FMN1: variants seen among roughly 807,000 people sequenced by gnomAD.
FMN1 encodes the protein formin-1.
Under a neutral mutation model 132.4 loss-of-function variants are expected in FMN1, and 110 were observed. The ratio of observed to expected loss-of-function variants is 0.83; its 90% CI spans 0.71 to 0.97. The LOEUF is 0.97. Ranked by LOEUF, FMN1 falls within the 50% of genes least tolerant of loss-of-function variation. The pLI is 0.00. For synonymous variants in FMN1, 722 were observed against 651.7 expected (o/e 1.11, Z -1.64); for missense variants, 1,792 against 1,705.3 (o/e 1.05, Z -0.90).
chr15:32,873,868 T>C (rs2059575139), intron 16 of FMN1, among the ~76,000 whole-genome samples: 1 of 152,146 alleles, frequency 6.6e-6, no homozygotes, highest in African/African-American at 2.4e-5. Context: ...GGAATTTGTC[T>C]CTGTCTTTGG....
intron 17 of FMN1, among the ~76,000 whole-genome samples, chr15:32,805,562 A>G (rs531724059): frequency 3.4e-4 from 52 of 152,296 alleles, no homozygotes; most frequent in African/African-American, 1.2e-3. Context: ...TGTTTTAGTC[A>G]TGAAGTCTTG....
At chr15:32,843,720 A>T (rs1161427880) in intron 17 of FMN1, among the ~76,000 whole-genome samples, 1 of 152,216 alleles carries the variant, frequency 6.6e-6, no homozygotes, top group Admixed American at 6.5e-5. Context: ...TTGAATGTCA[A>T]CAAGTTGGTG....
At chr15:32,917,200 A>G (rs1003346172) in intron 10 of FMN1, among the ~76,000 whole-genome samples, 3 of 152,228 alleles carry the variant, frequency 2.0e-5, no homozygotes, top group Non-Finnish European at 4.4e-5. Flanking sequence ...ACTCGGAGGC[A>G]AGGCCAGGGG....
At chr15:33,053,271 A>G (rs988392260) in intron 6 of FMN1, among the ~76,000 whole-genome samples, 3 of 152,192 alleles carry the variant, frequency 2.0e-5, no homozygotes, top group African/African-American at 7.2e-5. Context: ...TTAGCACACT[A>G]ACATTCCCTC....
At chr15:33,150,535 C>T (rs1452053274) in intron 4 of FMN1, 5 of 985,284 alleles carry the variant, frequency 5.1e-6, no homozygotes, top group African/African-American at 1.7e-5. Flanking sequence ...GAAGGTGCAT[C>T]GCTGGCCTCT....
intron 4 of FMN1, among the ~76,000 whole-genome samples, chr15:33,128,325 G>A (rs991455931): frequency 1.3e-5 from 2 of 152,154 alleles, no homozygotes; most frequent in African/African-American, 4.8e-5. Flanking sequence ...ACCATCAACG[G>A]GGTCTGATTC....
At chr15:32,908,807 C>T (rs188703235) in intron 11 of FMN1, among the ~76,000 whole-genome samples, 4 of 152,228 alleles carry the variant, frequency 2.6e-5, no homozygotes, top group Admixed American at 2.0e-4. Flanking sequence ...GATTCTGATG[C>T]ATGCTCAAGT....
chr15:32,777,594 C>G (rs1204497967), intron 19 of FMN1, among the ~76,000 whole-genome samples: 1 of 90,578 alleles, frequency 1.1e-5, no homozygotes, highest in Admixed American at 1.1e-4. Flanking sequence ...ACATATAACA[C>G]TTTATATATT....
At chr15:33,058,336 G>A (rs1234146628) in intron 6 of FMN1, among the ~76,000 whole-genome samples, 2 of 152,140 alleles carry the variant, frequency 1.3e-5, no homozygotes, top group African/African-American at 2.4e-5. Context: ...TCCCAAAAGA[G>A]GACTCAAAGT....
At chr15:33,189,806 G>T (rs1966012076) in intron 2 of FMN1, among the ~76,000 whole-genome samples, 1 of 152,146 alleles carries the variant, frequency 6.6e-6, no homozygotes, top group South Asian at 2.1e-4. Flanking sequence ...TTAAGCCAAG[G>T]ATGGACACAG....
In FMN1 at chr15:33,154,322, G is replaced by A. The variant is rs1458543519; in HGVS notation, c.593C>T (p.Ser198Phe). The A allele has an allele frequency of 9.1e-5, 140 of 1,536,040 alleles. No homozygotes were observed. Among genetic ancestry groups the A allele is most frequent in the Non-Finnish European group, 1.2e-4 (140 of 1,146,926 alleles). Reference protein sequence around the residue: ...APLMGKDKICSSHSLPLSRTR... With the variant: ...APLMGKDKICFSHSLPLSRTR... ...TCTAGAAAGAGGAAGGGAGTGGCTGGAACAGATCTTGTCCTTGCCCATCAG... is the reference window on the plus strand; with the variant it reads ...TCTAGAAAGAGGAAGGGAGTGGCTGAAACAGATCTTGTCCTTGCCCATCAG... Residue 198 changes from serine to phenylalanine, a missense_variant, in exon 4 of 21, where the codon TCC (serine) becomes TTC (phenylalanine). By Grantham distance (155) the Ser-to-Phe change is radical. This residue lies in a region of FMN1 where 638 missense variants were observed against 645.2 expected (regional missense o/e 0.99). Coordinates refer to ENST00000616417, the MANE Select transcript of FMN1 (RefSeq NM_001277313.2).
chr15:32,900,861 A>G (rs538431667), intron 13 of FMN1, among the ~76,000 whole-genome samples: 2 of 152,194 alleles, frequency 1.3e-5, no homozygotes, highest in African/African-American at 4.8e-5. Flanking sequence ...TTTCAGGGTA[A>G]AAAAAGTAAT....
intron 6 of FMN1, among the ~76,000 whole-genome samples, chr15:33,027,787 C>T (rs1212585983): frequency 6.6e-6 from 1 of 152,108 alleles, no homozygotes; most frequent in Non-Finnish European, 1.5e-5. Context: ...ATACACAGCA[C>T]CTGTTGTCCC....
Position 33,168,528 on chromosome 15 carries a change from A to G in FMN1, c.-132+11670T>C, listed in dbSNP as rs190283441. ...AGCCTAGAGAAGAACTTGTCCCACA[A>G]TACCCCAGAGAGAGTGACAAAGGTT... On this transcript the variant is annotated intron_variant, in intron 3 of 20. Coordinates refer to ENST00000616417, the MANE Select transcript of FMN1 (RefSeq NM_001277313.2). Among the ~76,000 whole-genome samples, 7 of 152,334 alleles carry G rather than the reference A, an allele frequency of 4.6e-5. No individual in the cohort carries two copies. In the East Asian group the frequency reaches 9.6e-4, roughly 21 times the overall value.
intron 7 of FMN1, among the ~76,000 whole-genome samples, chr15:32,977,851 G>C (rs1212741708): frequency 1.3e-5 from 2 of 151,372 alleles, no homozygotes; most frequent in African/African-American, 4.9e-5. Flanking sequence ...ATGCAATTTA[G>C]ATACAATTAT....
chr15:33,153,306 T>C lies in FMN1; in HGVS notation c.1609A>G (p.Ile537Val), dbSNP rs1247627481. 2.0e-6 allele frequency: 3 copies of C among 1,536,058 alleles called. No homozygotes were observed. In the East Asian group the frequency reaches 7.3e-5, roughly 38 times the overall value. ...CCAGGCAATGCAGGGAGCCGGAGGA[T>C]CCTGTGATGCTGCTGAGGGCTGGGG... ...RLPSPQQHHR[I>V]LRLPALPGER... Residue 537 changes from isoleucine to valine, a missense_variant, in exon 4 of 21, where the codon ATC (isoleucine) becomes GTC (valine). Around this residue, in one of 3 missense-constraint regions of FMN1, gnomAD observed 1,150 missense variants for 1,043.1 expected, o/e 1.10. Coordinates refer to ENST00000616417, the MANE Select transcript of FMN1 (RefSeq NM_001277313.2).
chr15:32,964,267 G>A lies in FMN1; in HGVS notation c.2988-10C>T. On this transcript the variant is annotated splice_polypyrimidine_tract_variant and intron_variant, in intron 8 of 20. Transcript: ENST00000616417. ...TGGTGTAGCATTTTGGCTTAAAAGA[G>A]AAAATGACAAGTTAACCATAAGAAC... 10 of 1,552,820 alleles carry A rather than the reference G, an allele frequency of 6.4e-6. No homozygotes were observed. The highest frequency in any genetic ancestry group is 8.7e-6 in the Non-Finnish European group (10 of 1,145,888).
chr15:33,091,321 C>T (rs2038895687), intron 4 of FMN1, among the ~76,000 whole-genome samples: 1 of 152,200 alleles, frequency 6.6e-6, no homozygotes, highest in Admixed American at 6.5e-5. Context: ...ACCCCTCACA[C>T]ACCTGCAGTG....
At chr15:32,839,675 G>A (rs2058703249) in intron 17 of FMN1, among the ~76,000 whole-genome samples, 1 of 151,344 alleles carries the variant, frequency 6.6e-6, no homozygotes, top group African/African-American at 2.4e-5. Context: ...ATCAATAATG[G>A]CTTGCACCCA....
Sources: allele counts gnomAD v4.1 joint callset (sites outside exome capture counted in the v4.1 genomes callset), GRCh38; gene constraint gnomAD v4.1.1; regional missense constraint gnomAD v4.1.1; transcripts MANE v1.5; gene names NCBI Gene and HGNC (gene_info 2026-07-23, HGNC 2026-07-21).